Variants in BARD1 observed in about 807,000 individuals in gnomAD.
The protein encoded by BARD1 is BRCA1-associated RING domain protein 1.
Under a neutral mutation model 77.0 loss-of-function variants are expected in BARD1, and 73 were observed. The observed-to-expected ratio is 0.95, with a 90% confidence interval of 0.79 to 1.15. The LOEUF (loss-of-function observed/expected upper bound fraction) is 1.15. Ranked by LOEUF, BARD1 falls within the 50% of genes most tolerant of loss-of-function variation. BARD1 has a pLI of 0.00. For missense variants in BARD1, 993 were observed against 938.8 expected (o/e 1.06, Z -0.75); for synonymous variants, 384 against 338.0 (o/e 1.14, Z -1.49).
At chr2:214,744,545 G>A (rs1157520770) in intron 9 of BARD1, among the ~76,000 whole-genome samples, 1 of 152,096 alleles carries the variant, frequency 6.6e-6, no homozygotes, top group Admixed American at 6.5e-5. Flanking sequence ...AGTTGGTATT[G>A]TAGGAAAAAA....
intron 1 of BARD1, among the ~76,000 whole-genome samples, chr2:214,802,824 ACT>A (rs1295149471): frequency 1.3e-5 from 2 of 152,162 alleles, no homozygotes; most frequent in African/African-American, 4.8e-5. Flanking sequence ...AAATTCAGCT[ACT>A]CTACTTTTTC....
intron 4 of BARD1, among the ~76,000 whole-genome samples, chr2:214,771,946 A>C: frequency 6.8e-6 from 1 of 148,098 alleles, no homozygotes; most frequent in Non-Finnish European, 1.5e-5. Context: ...AAAAAAAAGC[A>C]ACATTTTCCC....
At chr2:214,744,731 C>T (rs995551092) in intron 9 of BARD1, among the ~76,000 whole-genome samples, 4 of 152,044 alleles carry the variant, frequency 2.6e-5, no homozygotes, top group Non-Finnish European at 5.9e-5. Flanking sequence ...CCCAGGTTCA[C>T]GCCATTCTCC....
At chr2:214,756,661 A>T (rs576375599) in intron 6 of BARD1, among the ~76,000 whole-genome samples, 6 of 152,338 alleles carry the variant, frequency 3.9e-5, no homozygotes, top group Admixed American at 1.3e-4. Context: ...AAAATGAATG[A>T]ACTAATGGCA....
In BARD1 at chr2:214,750,673, G is replaced by C. The variant is rs111992287; in HGVS notation, c.1677+1774C>G. On this transcript the variant is annotated intron_variant, in intron 7 of 10. Coordinates refer to ENST00000260947, the MANE Select transcript of BARD1 (RefSeq NM_000465.4). ...CTGACCCTAACCTCCAGCCCCAGGA[G>C]GGGCTGTCAAAATCAATTTCTGACA... Among the ~76,000 whole-genome samples the C allele has an allele frequency of 1.4e-3, 218 of 152,230 alleles. 2 individuals carry two copies. Among genetic ancestry groups the C allele is most frequent in the African/African-American group, 4.9e-3 (203 of 41,546 alleles).
intron 9 of BARD1, among the ~76,000 whole-genome samples, chr2:214,742,860 T>C (rs1201659110): frequency 3.3e-5 from 5 of 152,216 alleles, no homozygotes; most frequent in Non-Finnish European, 7.3e-5. Flanking sequence ...CTTACTATGA[T>C]GAAAATCTAT....
In BARD1 at chr2:214,809,676, C is replaced by A. The variant is rs1574870750; in HGVS notation, c.-107G>T. On this transcript the variant is annotated 5_prime_UTR_variant, in exon 1 of 11. Transcript: ENST00000260947. ...CGACTCGAAACCGGCCAAGCTCTTCCCGCGTCTGGGACGGCGGGCCGCCAG... is the reference window on the plus strand; with the variant it reads ...CGACTCGAAACCGGCCAAGCTCTTCACGCGTCTGGGACGGCGGGCCGCCAG... 8 of 1,441,028 alleles carry A rather than the reference C, an allele frequency of 5.6e-6. No individual in the cohort carries two copies. The highest frequency in any genetic ancestry group is 5.1e-5 in the East Asian group (2 of 39,488). 89.3% of individuals were successfully genotyped at this position (1,441,028 alleles called of 1,614,324 possible). A position where few individuals can be genotyped will look rare whatever the true frequency, so the allele number is the denominator to read the frequency against.
rs531643614 is a variant in BARD1 at position 214,771,729 on chromosome 2, G to GA, written c.1315-2418dup. On this transcript the variant is annotated intron_variant, in intron 4 of 10. Coordinates refer to ENST00000260947, the MANE Select transcript of BARD1 (RefSeq NM_000465.4). ...GGCGACAGAGCGAGACTCTACCTCA[G>GA]AAAAAAAAAAAATGCTTTTTATATC... Among the ~76,000 whole-genome samples, 473 of 142,706 alleles carry GA rather than the reference G, an allele frequency of 3.3e-3. 3 individuals are homozygous for GA. The highest frequency in any genetic ancestry group is 8.0e-3 in the African/African-American group (313 of 39,132). 93.6% of individuals were successfully genotyped at this position (142,706 alleles called of 152,430 possible). A position where few individuals can be genotyped will look rare whatever the true frequency, so the allele number is the denominator to read the frequency against.
intron 6 of BARD1, among the ~76,000 whole-genome samples, chr2:214,757,224 A>G (rs1267092814): frequency 6.6e-6 from 1 of 152,026 alleles, no homozygotes; most frequent in African/African-American, 2.4e-5. Context: ...ACTGAATCCT[A>G]AAAATTCAAA....
intron 2 of BARD1, among the ~76,000 whole-genome samples, chr2:214,793,715 T>G (rs1299733061): frequency 1.3e-5 from 2 of 152,160 alleles, no homozygotes; most frequent in African/African-American, 4.8e-5. Flanking sequence ...CTATAACATT[T>G]TATAAACTAT....
At chr2:214,764,613 T>C (rs576891501) in intron 6 of BARD1, among the ~76,000 whole-genome samples, 1 of 152,234 alleles carries the variant, frequency 6.6e-6, no homozygotes, top group East Asian at 1.9e-4. Context: ...CACCAGACCA[T>C]CCAGGGTCTT....
Position 214,727,096 on chromosome 2 carries a change from A to C in BARD1, c.*1580T>G. ...TGCTATGGTGTTCATTTTCTATCAG[A>C]ATGAAATGTGGGACAAATGCATTAC... On this transcript the variant is annotated 3_prime_UTR_variant, in exon 11 of 11. Transcript: ENST00000260947. 4.6e-6 allele frequency: 1 copy of C among 215,674 alleles called. No individual in the cohort carries two copies. Among genetic ancestry groups the C allele is most frequent in the Non-Finnish European group, 9.4e-6 (1 of 106,912 alleles). 13.4% of individuals were successfully genotyped at this position (215,674 alleles called of 1,614,324 possible). A position where few individuals can be genotyped will look rare whatever the true frequency, so the allele number is the denominator to read the frequency against.
At chr2:214,739,725 A>C (rs973713110) in intron 9 of BARD1, among the ~76,000 whole-genome samples, 2 of 152,158 alleles carry the variant, frequency 1.3e-5, no homozygotes, top group African/African-American at 4.8e-5. Flanking sequence ...TTAAGATTTG[A>C]GATATCTCAT....
At chr2:214,779,449 G>A (rs1375757189) in intron 4 of BARD1, among the ~76,000 whole-genome samples, 4 of 151,668 alleles carry the variant, frequency 2.6e-5, no homozygotes, top group African/African-American at 7.3e-5. Context: ...TTTTTGATTC[G>A]CAGTTGGTTG....
intron 7 of BARD1, among the ~76,000 whole-genome samples, chr2:214,751,105 GTGTGTGTGTGTGTATA>G (rs1350377422): frequency 4.0e-4 from 4 of 9,986 alleles, no homozygotes; most frequent in African/African-American, 6.7e-4. Flanking sequence ...GTGTGTGTGT[GTGTGTGTGTGTGTATA>G]TATATATATA....
At chr2:214,740,088 G>T (rs535038924) in intron 9 of BARD1, among the ~76,000 whole-genome samples, 3 of 151,722 alleles carry the variant, frequency 2.0e-5, no homozygotes, top group African/African-American at 4.8e-5. Context: ...GTTAAAAACC[G>T]AACACAGTCT....
rs530684307 is a variant in BARD1 at position 214,734,376 on chromosome 2, T to C, written c.1904-3868A>G. ...GAAAATATGGAATAAGTTGTTCCAT[T>C]GTTACTTCTCTGGGTTTAAATTGAG... On this transcript the variant is annotated intron_variant, in intron 9 of 10. Coordinates refer to ENST00000260947, the MANE Select transcript of BARD1 (RefSeq NM_000465.4). 4.6e-5 allele frequency among the ~76,000 whole-genome samples: 7 copies of C among 152,232 alleles called. No individual in the cohort carries two copies. In the East Asian group the frequency reaches 1.3e-3, roughly 29 times the overall value.
chr2:214,779,312 C>G (rs1352525257), intron 4 of BARD1, among the ~76,000 whole-genome samples: 1 of 152,188 alleles, frequency 6.6e-6, no homozygotes, highest in Non-Finnish European at 1.5e-5. Flanking sequence ...CTCCAGTATA[C>G]TTTAAATCAT....
intron 6 of BARD1, among the ~76,000 whole-genome samples, chr2:214,762,438 T>C (rs1694007490): frequency 6.6e-6 from 1 of 152,144 alleles, no homozygotes; most frequent in Non-Finnish European, 1.5e-5. Flanking sequence ...CATACATATA[T>C]ATGAAACAGA....
Sources: allele counts gnomAD v4.1 joint callset (sites outside exome capture counted in the v4.1 genomes callset), GRCh38; gene constraint gnomAD v4.1.1; transcripts MANE v1.5; gene names NCBI Gene and HGNC (gene_info 2026-07-23, HGNC 2026-07-21).